Variants in MYO1H observed in about 807,000 individuals in gnomAD.
MYO1H encodes the protein myosin IH, also known as unconventional myosin-Ih.
Under a neutral mutation model 149.3 loss-of-function variants are expected in MYO1H, and 118 were observed. The ratio of observed to expected loss-of-function variants is 0.79; its 90% CI spans 0.68 to 0.92. MYO1H has a LOEUF of 0.92. Among genes scored for constraint, MYO1H ranks in the 40% least tolerant of loss-of-function variants. The pLI is 0.00. For missense variants in MYO1H, 1,212 were observed against 1,280.7 expected, an observed-to-expected ratio of 0.95 and a Z score of 0.82; for synonymous variants, 447 against 465.2, an observed-to-expected ratio of 0.96 and a Z score of 0.50.
chr12:109,385,195 A>C lies in MYO1H; in HGVS notation c.13-3488A>C, dbSNP rs73403742. Among the ~76,000 whole-genome samples the C allele has an allele frequency of 7.8e-3, 1,193 of 152,294 alleles. 21 individuals are homozygous for C. The highest frequency in any genetic ancestry group is 0.027 in the African/African-American group (1,135 of 41,548). ...AACAGAGATAGGATTTGAACTTGGAAATGCTCGTGTTCCAACGTCTTAATC... is the reference window on the plus strand; with the variant it reads ...AACAGAGATAGGATTTGAACTTGGACATGCTCGTGTTCCAACGTCTTAATC... On this transcript the variant is annotated intron_variant, in intron 1 of 31. Transcript: ENST00000310903.
At chr12:109,336,987 C>G in the MYO1H span, among the ~76,000 whole-genome samples, 1 of 152,112 alleles carries the variant, frequency 6.6e-6, no homozygotes, top group African/African-American at 2.4e-5. Context: ...AGGAGGGAGG[C>G]TGATGGGCAG....
chr12:109,378,726 C>T (rs1024859192), intron 1 of MYO1H, among the ~76,000 whole-genome samples: 1 of 150,400 alleles, frequency 6.6e-6, no homozygotes, highest in Non-Finnish European at 1.5e-5. Context: ...TCAGGCTACT[C>T]GTAGTGGAAG....
chr12:109,396,566 C>G, exon 4 of MYO1H: 1 of 1,612,468 alleles, frequency 6.2e-7, no homozygotes, highest in Non-Finnish European at 8.5e-7. Flanking sequence ...CTGCTGTTCT[C>G]CAACCCAGTG....
intron 1 of MYO1H, among the ~76,000 whole-genome samples, chr12:109,370,405 C>T (rs978609297): frequency 1.3e-4 from 20 of 152,224 alleles, no homozygotes; most frequent in Admixed American, 6.5e-5. Flanking sequence ...AGTCACATGT[C>T]TACCCAGCAG....
At chr12:109,345,347 T>A (rs1280823349), upstream of MYO1H, among the ~76,000 whole-genome samples, 4 of 152,160 alleles carry the variant, frequency 2.6e-5, no homozygotes, top group African/African-American at 9.7e-5. Context: ...CAAATACACA[T>A]GAAAAGATGC....
At chr12:109,442,242 G>T in exon 27 of MYO1H, 1 of 1,613,916 alleles carries the variant, frequency 6.2e-7, no homozygotes, top group Non-Finnish European at 8.5e-7. Flanking sequence ...ATCCGAAAGT[G>T]CTTCAGCTAA....
the MYO1H span, among the ~76,000 whole-genome samples, chr12:109,323,648 G>A: frequency 6.6e-6 from 1 of 152,212 alleles, no homozygotes; most frequent in Admixed American, 6.5e-5. Flanking sequence ...CAGACCTAAG[G>A]TAAGAAGGTT....
At chr12:109,368,998 T>C (rs1418306691) in intron 1 of MYO1H, among the ~76,000 whole-genome samples, 1 of 152,106 alleles carries the variant, frequency 6.6e-6, no homozygotes, top group Non-Finnish European at 1.5e-5. Context: ...TTCTTTCTTT[T>C]TTTTTTGAGA....
intron 6 of MYO1H, among the ~76,000 whole-genome samples, chr12:109,402,921 A>AT (rs1047061220): frequency 6.6e-6 from 1 of 152,106 alleles, no homozygotes; most frequent in Admixed American, 6.6e-5. Context: ...ATTCCTGTAG[A>AT]TTTTTTTATG....
intron 6 of MYO1H, among the ~76,000 whole-genome samples, chr12:109,402,051 C>G (rs1435071338): frequency 1.3e-5 from 2 of 152,158 alleles, no homozygotes; most frequent in Non-Finnish European, 2.9e-5. Flanking sequence ...TTGAAAAGAT[C>G]TTTTCCCGCA....
intron 4 of MYO1H, among the ~76,000 whole-genome samples, chr12:109,396,825 T>TTTG (rs1566026676): frequency 4.8e-5 from 6 of 125,968 alleles, no homozygotes; most frequent in African/African-American, 1.8e-4. Context: ...TTTTTTTTTT[T>TTTG]TTTTTTTTTT....
chr12:109,391,820 T>G (rs962042737), intron 2 of MYO1H, among the ~76,000 whole-genome samples: 1 of 152,200 alleles, frequency 6.6e-6, no homozygotes, highest in Non-Finnish European at 1.5e-5. Flanking sequence ...ATCGGTGGTG[T>G]TGAGCTTTTT....
intron 1 of MYO1H, among the ~76,000 whole-genome samples, chr12:109,353,069 A>C (rs1017157099): frequency 1.3e-5 from 2 of 152,138 alleles, no homozygotes; most frequent in Non-Finnish European, 1.5e-5. Flanking sequence ...TAATACTATA[A>C]TCAAGGGTAC....
At chr12:109,387,508 T>C (rs1457666900) in intron 1 of MYO1H, among the ~76,000 whole-genome samples, 1 of 152,258 alleles carries the variant, frequency 6.6e-6, no homozygotes. Context: ...CTGCACGCTT[T>C]AGGCATTTCT....
chr12:109,409,622 T>C, exon 11 of MYO1H: 2 of 1,610,724 alleles, frequency 1.2e-6, no homozygotes, highest in Non-Finnish European at 1.7e-6. Flanking sequence ...TTGACAAGAA[T>C]GGGTATGTTT....
chr12:109,361,813 CAAAA>C lies in MYO1H; in HGVS notation c.12+13865_12+13868del, dbSNP rs35915417. 6.4e-3 allele frequency among the ~76,000 whole-genome samples: 366 copies of C among 56,808 alleles called. 1 individual carries two copies. Among genetic ancestry groups the C allele is most frequent in the African/African-American group, 0.022 (327 of 14,662 alleles). The allele number at this position is 56,808 out of a possible 152,430, so 37.3% of individuals were successfully genotyped here. On this transcript the variant is annotated intron_variant, in intron 1 of 31. Coordinates refer to ENST00000310903, the Ensembl canonical transcript of MYO1H. Reference sequence around the variant, plus strand: ...GGTGACAGAGCAAGACCTTGTCTCACAAAAAAAAAAAAAAAAAAAAAAAAAAAGA... The same window carrying C: ...GGTGACAGAGCAAGACCTTGTCTCACAAAAAAAAAAAAAAAAAAAAAAAGA...
chr12:109,374,647 T>C (rs1197310193), intron 1 of MYO1H, among the ~76,000 whole-genome samples: 1 of 152,184 alleles, frequency 6.6e-6, no homozygotes, highest in African/African-American at 2.4e-5. Flanking sequence ...TCAGAGGATA[T>C]GTGTCTTCAG....
intron 1 of MYO1H, among the ~76,000 whole-genome samples, chr12:109,350,069 A>G (rs1868432010): frequency 6.6e-6 from 1 of 152,032 alleles, no homozygotes; most frequent in African/African-American, 2.4e-5. Flanking sequence ...TTGATGAACA[A>G]AGCAAAATGA....
chr12:109,331,130 T>C, the MYO1H span, among the ~76,000 whole-genome samples: 1 of 152,220 alleles, frequency 6.6e-6, no homozygotes, highest in Non-Finnish European at 1.5e-5. Context: ...CAAATATATA[T>C]GCTTTCCTGT....
Sources: allele counts gnomAD v4.1 joint callset (sites outside exome capture counted in the v4.1 genomes callset), GRCh38; gene constraint gnomAD v4.1.1; transcripts MANE v1.5; gene names NCBI Gene and HGNC (gene_info 2026-07-23, HGNC 2026-07-21).